The following CALN1 variants were observed in gnomAD, a reference collection of about 807,000 sequenced individuals.
CALN1 encodes calneuron 1.
Under a neutral mutation model 30.6 loss-of-function variants are expected in CALN1, and 17 were observed. That is an observed-to-expected ratio of 0.56 (90% CI 0.38 to 0.83). The LOEUF is 0.83. Ranked by LOEUF, CALN1 falls within the 40% of genes least tolerant of loss-of-function variation. The pLI, the probability that CALN1 is intolerant of heterozygous loss-of-function variation, is 0.00. For missense variants in CALN1, 291 were observed against 354.9 expected (o/e 0.82, Z 1.45); for synonymous variants, 156 against 131.4 (o/e 1.19, Z -1.28).
intron 2 of CALN1, among the ~76,000 whole-genome samples, chr7:72,310,291 T>A (rs1464286803): frequency 6.6e-6 from 1 of 151,122 alleles, no homozygotes; most frequent in African/African-American, 2.4e-5. Flanking sequence ...TCTACCTCAT[T>A]GAGCCATTGT....
chr7:72,371,124 C>T (rs1021219484), intron 2 of CALN1, among the ~76,000 whole-genome samples: 10 of 149,322 alleles, frequency 6.7e-5, no homozygotes, highest in African/African-American at 2.5e-4. Flanking sequence ...ATTAATAATG[C>T]TTTTGGTGTC....
At chr7:72,430,911 G>A (rs553282173) in intron 1 of CALN1, among the ~76,000 whole-genome samples, 1 of 151,568 alleles carries the variant, frequency 6.6e-6, no homozygotes, top group African/African-American at 2.4e-5. Flanking sequence ...AAAATTCCTC[G>A]CCCAGTGCTC....
intron 6 of CALN1, among the ~76,000 whole-genome samples, chr7:71,801,420 G>GTATCTATCTATCTATCTATCTATC (rs1469408457): frequency 2.9e-5 from 3 of 102,456 alleles, no homozygotes; most frequent in Non-Finnish European, 4.1e-5. Flanking sequence ...ATGTATGTAT[G>GTATCTATCTATCTATCTATCTATC]TATGTATGTA....
At chr7:72,205,563 T>TACATATACATATATATATAC (rs1390707353) in intron 3 of CALN1, among the ~76,000 whole-genome samples, 1 of 109,680 alleles carries the variant, frequency 9.1e-6, no homozygotes, top group African/African-American at 4.9e-5. Context: ...TATATATATA[T>TACATATACATATATATATAC]ATATGTATAT....
chr7:72,501,287 C>T, the CALN1 span, among the ~76,000 whole-genome samples: 8 of 139,224 alleles, frequency 5.7e-5, no homozygotes. Context: ...AATCCTAGCA[C>T]TTTGGGAGGC....
chr7:71,796,504 C>A (rs1402593848), intron 6 of CALN1, among the ~76,000 whole-genome samples: 1 of 151,868 alleles, frequency 6.6e-6, no homozygotes, highest in Non-Finnish European at 1.5e-5. Flanking sequence ...AGATTACAGG[C>A]TCCCGCCACC....
intron 2 of CALN1, among the ~76,000 whole-genome samples, chr7:72,312,633 T>C (rs1459495217): frequency 6.6e-6 from 1 of 151,958 alleles, no homozygotes; most frequent in Non-Finnish European, 1.5e-5. Context: ...TGCCTCAGGT[T>C]CAGAAAATTC....
At chr7:72,284,170 C>A (rs540192210) in intron 2 of CALN1, among the ~76,000 whole-genome samples, 65 of 152,250 alleles carry the variant, frequency 4.3e-4, no homozygotes, top group African/African-American at 1.5e-3. Flanking sequence ...TGGTGCATGA[C>A]TGTAGTCCCT....
At chr7:72,476,409 T>A in the CALN1 span, among the ~76,000 whole-genome samples, 1 of 152,164 alleles carries the variant, frequency 6.6e-6, no homozygotes, top group Non-Finnish European at 1.5e-5. Context: ...AGGTCTTTAT[T>A]AGCATCATGA....
At chr7:72,491,386 G>C in the CALN1 span, among the ~76,000 whole-genome samples, 1 of 152,130 alleles carries the variant, frequency 6.6e-6, no homozygotes, top group Admixed American at 6.5e-5. Context: ...CTGGGCAACA[G>C]AGCAAGATCC....
intron 3 of CALN1, among the ~76,000 whole-genome samples, chr7:72,251,237 G>A (rs1050107221): frequency 3.3e-5 from 5 of 151,976 alleles, no homozygotes; most frequent in Admixed American, 3.3e-4. Flanking sequence ...AGCCTCCAAG[G>A]TCCAACACAC....
At chr7:72,088,799 A>AAGGAAGGAAGGC (rs59032560) in intron 4 of CALN1, among the ~76,000 whole-genome samples, 1 of 150,882 alleles carries the variant, frequency 6.6e-6, no homozygotes, top group South Asian at 2.1e-4. Context: ...GGAAGGAAGG[A>AAGGAAGGAAGGC]GGTTACGGCC....
intron 3 of CALN1, among the ~76,000 whole-genome samples, chr7:72,119,317 T>G (rs1022614024): frequency 1.0e-4 from 15 of 150,728 alleles, no homozygotes; most frequent in African/African-American, 3.7e-4. Flanking sequence ...AGAGGACTTA[T>G]GCAGGGAAAC....
At chr7:72,390,424 C>CT (rs1805508868) in intron 2 of CALN1, among the ~76,000 whole-genome samples, 1 of 152,062 alleles carries the variant, frequency 6.6e-6, no homozygotes, top group African/African-American at 2.4e-5. Flanking sequence ...GTGCAAGACT[C>CT]TGTCTAAAAA....
Position 71,788,491 on chromosome 7 carries a change from GT to G in CALN1, c.659-590del, listed in dbSNP as rs1298189911. Among the ~76,000 whole-genome samples, 336 of 126,782 alleles carry G rather than the reference GT, an allele frequency of 2.7e-3. 2 individuals carry two copies. The highest frequency in any genetic ancestry group is 8.8e-3 in the East Asian group (36 of 4,110). The allele number at this position is 126,782 out of a possible 152,430, so 83.2% of individuals were successfully genotyped here. A position where few individuals can be genotyped will look rare whatever the true frequency, so the allele number is the denominator to read the frequency against. On this transcript the variant is annotated intron_variant, in intron 6 of 6. Coordinates refer to ENST00000395275, the MANE Select transcript of CALN1 (RefSeq NM_031468.4). ...CATTACTAAGAGGTTTTTTTTTGTTGTTTTTTTTTTTTTTTTTAGAGAAAGT... is the reference window on the plus strand; with the variant it reads ...CATTACTAAGAGGTTTTTTTTTGTTGTTTTTTTTTTTTTTTTAGAGAAAGT...
intron 3 of CALN1, among the ~76,000 whole-genome samples, chr7:72,176,695 A>C (rs2129545773): frequency 6.6e-6 from 1 of 152,270 alleles, no homozygotes; most frequent in South Asian, 2.1e-4. Context: ...ACCAAACTTC[A>C]GGCCTTTCTT....
chr7:71,939,709 G>C (rs1337435830), intron 5 of CALN1, among the ~76,000 whole-genome samples: 1 of 152,170 alleles, frequency 6.6e-6, no homozygotes, highest in Non-Finnish European at 1.5e-5. Flanking sequence ...CTGGGATTGG[G>C]ATTCACACTG....
In CALN1 at chr7:71,780,219, G is replaced by T. The variant is rs185075253; in HGVS notation, c.*7556C>A. On this transcript the variant is annotated 3_prime_UTR_variant, in exon 7 of 7. Coordinates refer to ENST00000395275, the MANE Select transcript of CALN1 (RefSeq NM_031468.4). The stretch of plus-strand genomic sequence containing the variant: ...AAAGCTGATTTTGAGCTAAGAAAGA[G>T]AAAATATGCTTTAATTTTCCTTGGA... The T allele has an allele frequency of 3.3e-5, 5 of 152,312 alleles. No individual in the cohort carries two copies. Among genetic ancestry groups the T allele is most frequent in the African/African-American group, 1.2e-4 (5 of 41,568 alleles). 9.4% of individuals were successfully genotyped at this position (152,312 alleles called of 1,614,324 possible).
intron 4 of CALN1, among the ~76,000 whole-genome samples, chr7:72,043,612 TAAAA>T (rs996275864): frequency 1.3e-5 from 2 of 151,308 alleles, no homozygotes; most frequent in Non-Finnish European, 2.9e-5. Flanking sequence ...TTACAAAAAA[TAAAA>T]AAAACTTGGC....
Sources: gnomAD v4.1 joint callset for allele counts (sites outside exome capture counted in the v4.1 genomes callset) on GRCh38, gnomAD v4.1.1 for gene constraint, MANE v1.5 for transcripts, NCBI Gene and HGNC (gene_info 2026-07-23, HGNC 2026-07-21) for gene names.